TRIM5: variants seen among roughly 807,000 people sequenced by gnomAD.
TRIM5 encodes tripartite motif-containing protein 5.
TRIM5 carries 31 observed loss-of-function variants against 35.6 expected under a neutral mutation model. The observed-to-expected ratio is 0.87, with a 90% CI of 0.65 to 1.18. TRIM5 has a LOEUF of 1.18. TRIM5 is among the 50% of genes most tolerant of loss of function. The pLI, the probability that TRIM5 is intolerant of heterozygous loss-of-function variation, is 0.00. For missense variants in TRIM5, 609 were observed against 591.6 expected (o/e 1.03, Z -0.31); for synonymous variants, 243 against 215.6 (o/e 1.13, Z -1.11).
chr11:5,610,470 A>C, the TRIM5 span: 1 of 1,612,824 alleles, frequency 6.2e-7, no homozygotes, highest in South Asian at 1.1e-5. Flanking sequence ...TGTAGTAAGG[A>C]GAGAGATACC....
Position 5,679,161 on chromosome 11 carries a change from G to C in TRIM5, c.426C>G (p.Leu142=). Residue 142 remains leucine, a synonymous_variant, in exon 3 of 8, where the codon CTC becomes CTG. Transcript: ENST00000380034. ...EEVAREYQVK[L]QAALEMLRQK... ...GCCTCAGCATCTCCAGAGCTGCCTG[G>C]AGCTTCACCTGTGAGAAAGGAATCA... The C allele has an allele frequency of 6.2e-7, 1 of 1,613,874 alleles. No homozygotes were observed. The highest frequency in any genetic ancestry group is 1.3e-5 in the African/African-American group (1 of 75,032).
the TRIM5 span, chr11:5,596,108 C>T: frequency 2.6e-5 from 4 of 152,392 alleles, no homozygotes; most frequent in Non-Finnish European, 1.5e-5. Context: ...CCCCTTCCCC[C>T]CTGAGTCTTT....
At chr11:5,602,645 G>A in the TRIM5 span, among the ~76,000 whole-genome samples, 2 of 151,790 alleles carry the variant, frequency 1.3e-5, no homozygotes, top group Admixed American at 1.3e-4. Context: ...TTGAGGATAT[G>A]TTTTGGGTGA....
At chr11:5,613,906 C>T in the TRIM5 span, among the ~76,000 whole-genome samples, 2 of 5,968 alleles carry the variant, frequency 3.4e-4, no homozygotes, top group Non-Finnish European at 3.3e-4. Flanking sequence ...GTGATATTTA[C>T]TTCTTTATAA....
rs1476665478 is a variant in TRIM5, at chr11:5,679,979, T to G, written c.199A>C (p.Ile67Leu). 1 of 1,614,032 alleles carries G rather than the reference T, an allele frequency of 6.2e-7. No homozygotes were observed. The highest frequency in any genetic ancestry group is 8.5e-7 in the Non-Finnish European group (1 of 1,180,012). Residue 67 changes from isoleucine (I) to leucine (L), a missense_variant, in exon 2 of 8, where the codon ATA becomes CTA. Transcript: ENST00000380034. ...TTGGCTACATGCCGATTAGGCCGTA[T>G]GTTCTCAGGCTGGTAACTGATCCGG... is the stretch of plus-strand genomic sequence containing the variant. ...VCRISYQPEN[I>L]RPNRHVANIV...
At chr11:5,643,032 G>A in the TRIM5 span, 11 of 1,288,806 alleles carry the variant, frequency 8.5e-6, no homozygotes, top group East Asian at 2.6e-5. Flanking sequence ...TCCCAAGTTC[G>A]TTCATCACCA....
At chr11:5,600,046 CAG>C in the TRIM5 span, among the ~76,000 whole-genome samples, 1 of 152,162 alleles carries the variant, frequency 6.6e-6, no homozygotes, top group Non-Finnish European at 1.5e-5. Context: ...TTTGGTTAAA[CAG>C]ACTCTCAGAT....
chr11:5,596,689 C>T, the TRIM5 span: 11 of 707,504 alleles, frequency 1.6e-5, no homozygotes, highest in South Asian at 1.8e-4. Flanking sequence ...TGGGTCCGTC[C>T]GTTCAACGGC....
chr11:5,626,793 A>T, the TRIM5 span: 4 of 151,818 alleles, frequency 2.6e-5, no homozygotes, highest in Non-Finnish European at 4.4e-5. Context: ...GAGGCAGGAG[A>T]ATCAGTTGAA....
At chr11:5,597,811 C>G in the TRIM5 span, among the ~76,000 whole-genome samples, 1 of 152,178 alleles carries the variant, frequency 6.6e-6, no homozygotes, top group African/African-American at 2.4e-5. Context: ...CTGTCCCCCT[C>G]CCTCTTCTAG....
intron 3 of TRIM5, 107 bp from the exon 4 acceptor site, chr11:5,678,541 G>A: frequency 2.4e-6 from 2 of 843,934 alleles, no homozygotes; most frequent in Non-Finnish European, 3.7e-6. Flanking sequence ...AGGGGACATA[G>A]TAGCAGGAGA....
chr11:5,643,099 G>A, the TRIM5 span: 1 of 1,204,248 alleles, frequency 8.3e-7, no homozygotes, highest in Non-Finnish European at 1.1e-6. Flanking sequence ...TCACACAGAT[G>A]ATTATATTCA....
chr11:5,601,918 T>C, the TRIM5 span, among the ~76,000 whole-genome samples: 2 of 152,088 alleles, frequency 1.3e-5, no homozygotes, highest in African/African-American at 4.8e-5. Context: ...CAGAGAGTGA[T>C]GCAAAGGTGA....
chr11:5,647,385 CTT>C, the TRIM5 span, among the ~76,000 whole-genome samples: 1 of 152,102 alleles, frequency 6.6e-6, no homozygotes, highest in South Asian at 2.1e-4. Flanking sequence ...ATGCATATCT[CTT>C]TTTTTAAATC....
the TRIM5 span, chr11:5,610,932 G>C: frequency 6.8e-6 from 11 of 1,614,024 alleles, no homozygotes; most frequent in Non-Finnish European, 9.3e-6. Flanking sequence ...CTTCTCCTCT[G>C]GTAAGCATTA....
At chr11:5,609,314 C>T in the TRIM5 span, among the ~76,000 whole-genome samples, 2 of 152,248 alleles carry the variant, frequency 1.3e-5, no homozygotes, top group African/African-American at 4.8e-5. Flanking sequence ...ATAACATTCC[C>T]AGAGACGGCA....
At chr11:5,608,225 GC>G in the TRIM5 span, 1 of 1,181,326 alleles carries the variant, frequency 8.5e-7, no homozygotes, top group Non-Finnish European at 1.2e-6. Flanking sequence ...GGGACAGTCT[GC>G]CCTGAGTTTT....
the TRIM5 span, among the ~76,000 whole-genome samples, chr11:5,619,001 G>T: frequency 3.3e-5 from 5 of 152,162 alleles, no homozygotes; most frequent in African/African-American, 1.2e-4. Context: ...AGTAATCCTG[G>T]AGAAAATGAA....
the TRIM5 span, among the ~76,000 whole-genome samples, chr11:5,653,969 C>A: frequency 2.0e-5 from 3 of 151,814 alleles, no homozygotes; most frequent in African/African-American, 7.3e-5. Context: ...TTTTTTATTT[C>A]ATTCCTTGAG....
Sources: allele counts gnomAD v4.1 joint callset (sites outside exome capture counted in the v4.1 genomes callset), GRCh38; gene constraint gnomAD v4.1.1; transcripts MANE v1.5; gene names NCBI Gene and HGNC (gene_info 2026-07-23, HGNC 2026-07-21).